Variants in KCNQ5 observed in about 807,000 individuals in gnomAD.
KCNQ5 encodes potassium voltage-gated channel subfamily Q member 5, also known as potassium voltage-gated channel subfamily KQT member 5.
Under a neutral mutation model 98.2 loss-of-function variants are expected in KCNQ5, and 30 were observed. The ratio of observed to expected loss-of-function variants is 0.31; its 90% CI spans 0.23 to 0.41. The LOEUF (loss-of-function observed/expected upper bound fraction) is 0.41. Among genes scored for constraint, KCNQ5 ranks in the 10% least tolerant of loss-of-function variants. The pLI is 1.00. For synonymous variants in KCNQ5, 458 were observed against 449.4 expected (o/e 1.02, Z -0.24); for missense variants, 835 against 1,182.5 (o/e 0.71, Z 4.31).
At chr6:73,009,099 C>T (rs1166697234) in intron 2 of KCNQ5, among the ~76,000 whole-genome samples, 2 of 152,068 alleles carry the variant, frequency 1.3e-5, no homozygotes, top group African/African-American at 4.8e-5. Context: ...AAGAGATTCT[C>T]CTGCCTCTCA....
chr6:73,105,178 C>T lies in KCNQ5; in HGVS notation c.919-79C>T, dbSNP rs573424012. 88 of 660,636 alleles carry T rather than the reference C, an allele frequency of 1.3e-4. 2 individuals are homozygous for T. The South Asian group carries it at 1.6e-3, about 12-fold the overall frequency. 40.9% of individuals were successfully genotyped at this position (660,636 alleles called of 1,614,324 possible). On this transcript the variant is annotated intron_variant, in intron 5 of 13. Transcript: ENST00000370398. The stretch of plus-strand genomic sequence containing the variant: ...TTGTTGAATAATGATTTAGTGGAAA[C>T]GTTGCTTGCCTCCTGTTCATAGGTC...
chr6:72,740,472 G>A (rs1771073062), intron 1 of KCNQ5, among the ~76,000 whole-genome samples: 1 of 152,116 alleles, frequency 6.6e-6, no homozygotes, highest in Admixed American at 6.6e-5. Flanking sequence ...TTTGGAGACT[G>A]AAGCAGTCTG....
At chr6:72,867,858 C>T (rs571732854) in intron 1 of KCNQ5, among the ~76,000 whole-genome samples, 3 of 152,090 alleles carry the variant, frequency 2.0e-5, no homozygotes, top group South Asian at 2.1e-4. Flanking sequence ...TTGCTTGAGC[C>T]TCAACACACA....
At chr6:73,173,373 G>C (rs946176554) in intron 11 of KCNQ5, among the ~76,000 whole-genome samples, 19 of 152,110 alleles carry the variant, frequency 1.2e-4, no homozygotes, top group African/African-American at 4.3e-4. Context: ...GATAAAATTA[G>C]CAGGAAAGTA....
At chr6:72,926,992 C>T (rs557372460) in intron 1 of KCNQ5, among the ~76,000 whole-genome samples, 33 of 152,218 alleles carry the variant, frequency 2.2e-4, no homozygotes, top group African/African-American at 7.7e-4. Context: ...GGTGACTTCT[C>T]TTCTTTTAAG....
chr6:72,752,634 A>G (rs1313651516), intron 1 of KCNQ5, among the ~76,000 whole-genome samples: 3 of 152,142 alleles, frequency 2.0e-5, no homozygotes, highest in African/African-American at 7.2e-5. Flanking sequence ...TCCATTAAAC[A>G]ATTTGGATCT....
intron 1 of KCNQ5, among the ~76,000 whole-genome samples, chr6:72,908,104 T>A (rs1020288458): frequency 6.6e-6 from 1 of 152,098 alleles, no homozygotes; most frequent in Non-Finnish European, 1.5e-5. Context: ...TAAATTGCTT[T>A]CTACTAGTCT....
intron 1 of KCNQ5, among the ~76,000 whole-genome samples, chr6:72,935,941 T>C (rs949169113): frequency 6.6e-6 from 1 of 152,158 alleles, no homozygotes; most frequent in Non-Finnish European, 1.5e-5. Flanking sequence ...GACTCAACAC[T>C]CTCCAGGTTT....
intron 1 of KCNQ5, among the ~76,000 whole-genome samples, chr6:72,833,670 G>A (rs888287961): frequency 2.0e-5 from 3 of 151,920 alleles, no homozygotes; most frequent in African/African-American, 7.3e-5. Flanking sequence ...TCTTTGCTTG[G>A]TTGATTTCTA....
chr6:73,043,012 A>G, intron 3 of KCNQ5: 1 of 181,634 alleles, frequency 5.5e-6, no homozygotes, highest in Non-Finnish European at 1.3e-5. Context: ...TTTTTAATTT[A>G]CAAAATAGTT....
intron 3 of KCNQ5, among the ~76,000 whole-genome samples, chr6:73,046,877 A>G (rs1039901833): frequency 4.6e-5 from 7 of 152,104 alleles, no homozygotes; most frequent in Non-Finnish European, 7.4e-5. Context: ...TCCTGGCCTC[A>G]AGTAATCCAC....
intron 5 of KCNQ5, among the ~76,000 whole-genome samples, chr6:73,078,837 T>C (rs1443139326): frequency 7.9e-5 from 12 of 152,212 alleles, no homozygotes; most frequent in African/African-American, 2.9e-4. Context: ...GAACAACGCA[T>C]AGTTTTCCAC....
At chr6:72,749,021 C>T (rs1242345322) in intron 1 of KCNQ5, among the ~76,000 whole-genome samples, 1 of 152,122 alleles carries the variant, frequency 6.6e-6, no homozygotes, top group African/African-American at 2.4e-5. Flanking sequence ...TGTGGTTTGC[C>T]CATGACTCAA....
At chr6:72,658,578 A>ATATATATTT (rs1226386362) in intron 1 of KCNQ5, among the ~76,000 whole-genome samples, 7 of 76,370 alleles carry the variant, frequency 9.2e-5, no homozygotes, top group South Asian at 4.5e-4. Flanking sequence ...ATATATATAT[A>ATATATATTT]TTTTTTTTTT....
chr6:72,983,902 TTTG>T (rs1768606168), intron 1 of KCNQ5, among the ~76,000 whole-genome samples: 1 of 152,216 alleles, frequency 6.6e-6, no homozygotes, highest in South Asian at 2.1e-4. Context: ...TTCCTTTCTG[TTTG>T]TTAATTTTCC....
intron 1 of KCNQ5, among the ~76,000 whole-genome samples, chr6:72,810,656 A>T (rs1582335327): frequency 6.6e-6 from 1 of 152,236 alleles, no homozygotes; most frequent in Non-Finnish European, 1.5e-5. Flanking sequence ...AGAAATTATG[A>T]CTGCGAGTAA....
Position 72,622,500 on chromosome 6 carries a change from G to T in KCNQ5, c.311G>T (p.Arg104Leu). ...TACACGAGTAGCCAGAGCTGCCGGC[G>T]CAACGTCAAGTACCGGCGGGTGCAG... ...LSYTSSQSCR[R>L]NVKYRRVQNY... Residue 104 changes from arginine to leucine, a missense_variant, in exon 1 of 14, where the codon CGC (arginine) becomes CTC (leucine). By Grantham distance (102) the Arg-to-Leu change is moderately radical. Around this residue, in one of 10 missense-constraint regions of KCNQ5, gnomAD observed 54 missense variants for 51.5 expected, o/e 1.05. Transcript: ENST00000370398. The surrounding 1 kb of genome is among the most constrained non-coding windows in gnomAD (Gnocchi z 6.0). 6.2e-7 allele frequency: 1 copy of T among 1,610,462 alleles called. No homozygotes were observed. Among genetic ancestry groups the T allele is most frequent in the Non-Finnish European group, 8.5e-7 (1 of 1,178,560 alleles).
At chr6:72,907,663 T>A (rs1373860851) in intron 1 of KCNQ5, among the ~76,000 whole-genome samples, 1 of 152,134 alleles carries the variant, frequency 6.6e-6, no homozygotes, top group African/African-American at 2.4e-5. Context: ...ATCTTAACTA[T>A]TATACCTTAT....
At chr6:72,908,692 C>A (rs998783781) in intron 1 of KCNQ5, among the ~76,000 whole-genome samples, 3 of 152,034 alleles carry the variant, frequency 2.0e-5, no homozygotes, top group Non-Finnish European at 4.4e-5. Flanking sequence ...CTAGAAGCAA[C>A]AAGCCATAGT....
Sources: gnomAD v4.1 joint callset for allele counts (sites outside exome capture counted in the v4.1 genomes callset) on GRCh38, gnomAD v4.1.1 for gene constraint, gnomAD v4.1.1 regional missense constraint, Gnocchi (gnomAD v3.1) non-coding constraint, MANE v1.5 for transcripts, NCBI Gene and HGNC (gene_info 2026-07-23, HGNC 2026-07-21) for gene names.